The following BCL11B variants were observed in gnomAD, a reference collection of about 807,000 sequenced individuals.
BCL11B encodes the protein BCL11 transcription factor B.
BCL11B carries 8 observed loss-of-function variants against 49.9 expected under a neutral mutation model. The observed-to-expected ratio is 0.16, with a 90% CI of 0.09 to 0.29. The LOEUF is 0.29. Among genes scored for constraint, BCL11B ranks in the 10% least tolerant of loss-of-function variants. The pLI is 1.00. For missense variants in BCL11B, 1,006 were observed against 1,351.0 expected (o/e 0.74, Z 4.00); for synonymous variants, 739 against 637.4 (o/e 1.16, Z -2.40).
At position 99,194,567 on chromosome 14, in the gene BCL11B, C is replaced by T. The variant is rs988097086; in HGVS notation, c.641-18372G>A. Among the ~76,000 whole-genome samples the T allele has an allele frequency of 1.3e-5, 2 of 152,194 alleles. No homozygotes were observed. Among genetic ancestry groups the T allele is most frequent in the Non-Finnish European group, 2.9e-5 (2 of 68,030 alleles). On this transcript the variant is annotated intron_variant, in intron 3 of 3. Coordinates refer to ENST00000357195, the MANE Select transcript of BCL11B (RefSeq NM_138576.4). This position sits in a 1 kb window ranked among gnomAD's most constrained non-coding sequence, Gnocchi z 4.6. ...ACTCGGCAGTTATTAGCTGGGCAACCCTGGGGAAGGTGCTTAACTTCTCTG... is the reference window on the plus strand; with the variant it reads ...ACTCGGCAGTTATTAGCTGGGCAACTCTGGGGAAGGTGCTTAACTTCTCTG...
In BCL11B at chr14:99,231,227, A is replaced by G; in HGVS notation, c.640+118T>C. On this transcript the variant is annotated intron_variant, in intron 3 of 3. Transcript: ENST00000357195. The surrounding 1 kb of genome is among the most constrained non-coding windows in gnomAD (Gnocchi z 8.1). ...CTTTACCACTTCCCCTGGCACCCCA[A>G]AAAGCCTTCTGGGTGGGAGCTGCCC... The G allele has an allele frequency of 8.6e-7, 1 of 1,156,212 alleles. No homozygotes were observed. The highest frequency in any genetic ancestry group is 1.2e-6 in the Non-Finnish European group (1 of 827,778). The allele number at this position is 1,156,212 out of a possible 1,614,324, so 71.6% of individuals were successfully genotyped here.
intron 3 of BCL11B, among the ~76,000 whole-genome samples, chr14:99,183,311 T>C (rs895867802): frequency 3.3e-5 from 5 of 152,054 alleles, no homozygotes; most frequent in African/African-American, 1.2e-4. Flanking sequence ...AAGAAGAAAT[T>C]AGTGACCTTA....
rs375092820 is a variant in BCL11B, at chr14:99,182,317, C to T, written c.641-6122G>A. Among the ~76,000 whole-genome samples, 43 of 152,250 alleles carry T rather than the reference C, an allele frequency of 2.8e-4. No individual in the cohort carries two copies. In the Middle Eastern group the frequency reaches 0.01, roughly 36 times the overall value. On this transcript the variant is annotated intron_variant, in intron 3 of 3. Coordinates refer to ENST00000357195, the MANE Select transcript of BCL11B (RefSeq NM_138576.4). ...ATTTTACAGATGAAGAAACTGAGGA[C>T]GGGAAGAGATAGGGGATCCGCCTGG...
chr14:99,271,072 AGGCTCGGCTGTTCCG>A, intron 1 of BCL11B, 74 bp downstream of exon 1: 3 of 1,363,032 alleles, frequency 2.2e-6, no homozygotes, highest in Non-Finnish European at 2.9e-6. Flanking sequence ...GCGCCTGGCC[AGGCTCGGCTGTTCCG>A]GGCTCGGTGT....
intron 3 of BCL11B, among the ~76,000 whole-genome samples, chr14:99,218,020 C>T (rs1209997655): frequency 6.6e-6 from 1 of 150,482 alleles, no homozygotes; most frequent in Non-Finnish European, 1.5e-5. Context: ...TTATTTTTAG[C>T]TCCTATTCAA....
intron 2 of BCL11B, among the ~76,000 whole-genome samples, chr14:99,243,176 G>C (rs572300961): frequency 6.6e-6 from 1 of 152,216 alleles, no homozygotes; most frequent in African/African-American, 2.4e-5. Context: ...TGAATCATGT[G>C]ACAGTCCCAA....
At chr14:99,207,687 G>C (rs1427437164) in intron 3 of BCL11B, among the ~76,000 whole-genome samples, 1 of 152,216 alleles carries the variant, frequency 6.6e-6, no homozygotes, top group Admixed American at 6.5e-5. Flanking sequence ...AGTGCTGCCT[G>C]GGGGAGCTTT....
At position 99,269,875 on chromosome 14, in the gene BCL11B, TAAAAAAAAAAAAA is replaced by T. The variant is rs56659919; in HGVS notation, c.58+1273_58+1285del. Among the ~76,000 whole-genome samples the T allele has an allele frequency of 8.1e-3, 335 of 41,252 alleles. 14 individuals are homozygous for T. In the East Asian group the frequency reaches 0.23, roughly 28 times the overall value. The allele number at this position is 41,252 out of a possible 152,430, so 27.1% of individuals were successfully genotyped here. A position where few individuals can be genotyped will look rare whatever the true frequency, so the allele number is the denominator to read the frequency against. ...GAGGATGTTTTATTTCTATTGCAGT[TAAAAAAAAAAAAA>T]AAAAAAAAAAAAAAAAAAAAAAGGA... is the stretch of plus-strand genomic sequence containing the variant. On this transcript the variant is annotated intron_variant, in intron 1 of 3. Coordinates refer to ENST00000357195, the MANE Select transcript of BCL11B (RefSeq NM_138576.4).
At chr14:99,258,517 G>A (rs926783710) in intron 1 of BCL11B, among the ~76,000 whole-genome samples, 5 of 152,134 alleles carry the variant, frequency 3.3e-5, no homozygotes, top group Non-Finnish European at 5.9e-5. Context: ...CCAGATGGGC[G>A]TCTAAGGGCC....
In BCL11B at chr14:99,262,746, C is replaced by G. The variant is rs539774513; in HGVS notation, c.59-4907G>C. ...GAACACTTGGGGAGGGGCTGGGACT[C>G]CAGGCGACACGGAAACGCCACCACA... On this transcript the variant is annotated intron_variant, in intron 1 of 3. Transcript: ENST00000357195. This position sits in a 1 kb window ranked among gnomAD's most constrained non-coding sequence, Gnocchi z 4.2. Among the ~76,000 whole-genome samples the G allele has an allele frequency of 9.9e-5, 15 of 152,208 alleles. No individual in the cohort carries two copies. The highest frequency in any genetic ancestry group is 1.5e-4 in the Non-Finnish European group (10 of 68,010).
At chr14:99,269,996 G>A (rs1595090260) in intron 1 of BCL11B, among the ~76,000 whole-genome samples, 1 of 151,922 alleles carries the variant, frequency 6.6e-6, no homozygotes, top group East Asian at 1.9e-4. Context: ...GGCTGCGGCG[G>A]GCGGGGAGCG....
At chr14:99,212,225 A>G (rs1887708246) in intron 3 of BCL11B, among the ~76,000 whole-genome samples, 1 of 152,102 alleles carries the variant, frequency 6.6e-6, no homozygotes, top group Non-Finnish European at 1.5e-5. Flanking sequence ...TCTCCCCAAA[A>G]TTTCCAAAAA....
chr14:99,171,776 C>T lies in BCL11B; in HGVS notation c.*2375G>A, dbSNP rs1049569278. 1.4e-5 allele frequency: 3 copies of T among 209,520 alleles called. No individual in the cohort carries two copies. Among genetic ancestry groups the T allele is most frequent in the African/African-American group, 6.8e-5 (3 of 43,880 alleles). The allele number at this position is 209,520 out of a possible 1,614,324, so 13.0% of individuals were successfully genotyped here. A position where few individuals can be genotyped will look rare whatever the true frequency, so the allele number is the denominator to read the frequency against. ...GGCAGAAAAAAATTTACTAAAACTCCGACTTTACAGTTACTGTAACAAGAA... is the reference window on the plus strand; with the variant it reads ...GGCAGAAAAAAATTTACTAAAACTCTGACTTTACAGTTACTGTAACAAGAA... On this transcript the variant is annotated 3_prime_UTR_variant, in exon 4 of 4. Transcript: ENST00000357195.
intron 3 of BCL11B, among the ~76,000 whole-genome samples, chr14:99,180,648 CT>C (rs1173000458): frequency 5.3e-5 from 8 of 152,168 alleles, no homozygotes; most frequent in Non-Finnish European, 7.4e-5. Flanking sequence ...AAATGAGCTC[CT>C]GTATGTGGGC....
At position 99,271,211 on chromosome 14, in the gene BCL11B, C is replaced by T; in HGVS notation, c.8G>A (p.Arg3His). 6.5e-7 allele frequency: 1 copy of T among 1,532,174 alleles called. No individual in the cohort carries two copies. 94.9% of individuals were successfully genotyped at this position (1,532,174 alleles called of 1,614,324 possible). ...GTGCTGCGGGTTGCCCTGTTTGCGG[C>T]GGGACATTGCCCCGGCATCTATTCT... MS[R>H]RKQGNPQHLS... The change falls in exon 1 of 4, where the codon CGC (arginine) becomes CAC (histidine). Residue 3 changes from arginine (R) to histidine (H), a missense_variant. Arg to His is a conservative substitution (Grantham distance 29). Around this residue, in one of 6 missense-constraint regions of BCL11B, gnomAD observed 411 missense variants for 542.2 expected, o/e 0.76. Coordinates refer to ENST00000357195, the MANE Select transcript of BCL11B (RefSeq NM_138576.4).
In BCL11B at chr14:99,231,665, G is replaced by A. The variant is rs1012693556; in HGVS notation, c.428-108C>T. On this transcript the variant is annotated intron_variant, in intron 2 of 3. Transcript: ENST00000357195. This position sits in a 1 kb window ranked among gnomAD's most constrained non-coding sequence, Gnocchi z 8.1. Reference sequence around the variant, plus strand: ...TGGGGCTCTGCTCAGGCCACCCTTCGGGGGTGGGAGGCCCCCGGGGTGCCA... The same window carrying A: ...TGGGGCTCTGCTCAGGCCACCCTTCAGGGGTGGGAGGCCCCCGGGGTGCCA... 3.8e-5 allele frequency: 44 copies of A among 1,172,396 alleles called. No individual in the cohort carries two copies. The highest frequency in any genetic ancestry group is 2.8e-4 in the Middle Eastern group (1 of 3,550). The allele number at this position is 1,172,396 out of a possible 1,614,324, so 72.6% of individuals were successfully genotyped here. A position where few individuals can be genotyped will look rare whatever the true frequency, so the allele number is the denominator to read the frequency against.
chr14:99,178,397 G>T (rs1299685436), intron 3 of BCL11B, among the ~76,000 whole-genome samples: 1 of 152,198 alleles, frequency 6.6e-6, no homozygotes, highest in Non-Finnish European at 1.5e-5. Flanking sequence ...CCATGAAAGA[G>T]CCCCTGAGGG....
In BCL11B at chr14:99,271,266, G is replaced by GGGAGCCGGGGGAGGGGGTC; in HGVS notation, c.-67_-49dup. 7.8e-7 allele frequency: 1 copy of GGGAGCCGGGGGAGGGGGTC among 1,286,986 alleles called. No homozygotes were observed. The highest frequency in any genetic ancestry group is 2.9e-5 in the South Asian group (1 of 34,834). The allele number at this position is 1,286,986 out of a possible 1,614,324, so 79.7% of individuals were successfully genotyped here. ...TCGCCCGGAGAGCTGCACTGATGGG[G>GGGAGCCGGGGGAGGGGGTC]GGAGCCGGGGGAGGGGGTCCGAGCC... On this transcript the variant is annotated 5_prime_UTR_variant, in exon 1 of 4. Coordinates refer to ENST00000357195, the MANE Select transcript of BCL11B (RefSeq NM_138576.4).
At chr14:99,259,201 T>C (rs550618098) in intron 1 of BCL11B, among the ~76,000 whole-genome samples, 1 of 152,178 alleles carries the variant, frequency 6.6e-6, no homozygotes, top group African/African-American at 2.4e-5. Context: ...TTTTAAGTTG[T>C]ATGGTATTTA....
Sources: gnomAD v4.1 joint callset for allele counts (sites outside exome capture counted in the v4.1 genomes callset) on GRCh38, gnomAD v4.1.1 for gene constraint, gnomAD v4.1.1 regional missense constraint, Gnocchi (gnomAD v3.1) non-coding constraint, MANE v1.5 for transcripts, NCBI Gene and HGNC (gene_info 2026-07-23, HGNC 2026-07-21) for gene names.